Variants in RASA1 observed in about 807,000 individuals in gnomAD.
RASA1 encodes the protein ras GTPase-activating protein 1.
RASA1 carries 25 observed loss-of-function variants against 132.2 expected under a neutral mutation model. The ratio of observed to expected loss-of-function variants is 0.19; its 90% CI spans 0.14 to 0.26. RASA1 has a LOEUF of 0.26. RASA1 is among the 10% of genes least tolerant of loss of function. RASA1 has a pLI of 1.00. For synonymous variants in RASA1, 477 were observed against 449.9 expected (o/e 1.06, Z -0.76); for missense variants, 964 against 1,299.2 (o/e 0.74, Z 3.97).
intron 1 of RASA1, among the ~76,000 whole-genome samples, chr5:87,276,615 G>A (rs1211781862): frequency 6.6e-6 from 1 of 152,148 alleles, no homozygotes; most frequent in African/African-American, 2.4e-5. Context: ...GATACGTTGT[G>A]CAGGTAAATT....
chr5:87,273,637 G>A (rs1291757606), intron 1 of RASA1, among the ~76,000 whole-genome samples: 2 of 151,670 alleles, frequency 1.3e-5, no homozygotes, highest in African/African-American at 2.4e-5. Context: ...TGCCCTTAGA[G>A]TATTTGGAAT....
chr5:87,378,486 A>T lies in RASA1; in HGVS notation c.2435A>T (p.His812Leu), dbSNP rs1238611689. 6.2e-7 allele frequency: 1 copy of T among 1,612,406 alleles called. No individual in the cohort carries two copies. The highest frequency in any genetic ancestry group is 8.5e-7 in the Non-Finnish European group (1 of 1,178,496). ...GCCACTGCTACACAGTTTGTTCATC[A>T]TGCTTTGAAAGACTCTATTTTAAAG... is the stretch of plus-strand genomic sequence containing the variant. ...MKATATQFVH[H>L]ALKDSILKIM... The change falls in exon 18 of 25, where the codon CAT becomes CTT. Residue 812 changes from histidine (H) to leucine (L), a missense_variant. Around this residue, in one of 6 missense-constraint regions of RASA1, gnomAD observed 346 missense variants for 520.1 expected, o/e 0.67. Coordinates refer to ENST00000274376, the MANE Select transcript of RASA1 (RefSeq NM_002890.3).
intron 3 of RASA1, among the ~76,000 whole-genome samples, chr5:87,332,907 G>A (rs554032606): frequency 3.3e-5 from 5 of 152,060 alleles, no homozygotes; most frequent in African/African-American, 7.2e-5. Flanking sequence ...GAATGTATGG[G>A]AACAAATTAC....
chr5:87,374,455 ATATATTTTT>A, intron 14 of RASA1, 135 bp downstream of exon 14: 1 of 264,206 alleles, frequency 3.8e-6, no homozygotes. Flanking sequence ...ATATATATAT[ATATATTTTT>A]TTTTTTTTTT....
chr5:87,333,944 A>AG (rs1757772511), intron 4 of RASA1, among the ~76,000 whole-genome samples: 1 of 152,212 alleles, frequency 6.6e-6, no homozygotes, highest in Non-Finnish European at 1.5e-5. Flanking sequence ...ATTGAAGAAC[A>AG]GGGATGAATT....
At chr5:87,330,549 A>G (rs1255761299) in intron 1 of RASA1, among the ~76,000 whole-genome samples, 1 of 152,212 alleles carries the variant, frequency 6.6e-6, no homozygotes, top group Non-Finnish European at 1.5e-5. Context: ...CCATGCCTGT[A>G]TGATACTTCT....
At chr5:87,282,593 T>C (rs1309019122) in intron 1 of RASA1, among the ~76,000 whole-genome samples, 1 of 152,242 alleles carries the variant, frequency 6.6e-6, no homozygotes, top group Non-Finnish European at 1.5e-5. Flanking sequence ...TTTATGTTTT[T>C]CTCCAAATAC....
At chr5:87,296,487 A>T (rs1443688732) in intron 1 of RASA1, among the ~76,000 whole-genome samples, 1 of 152,196 alleles carries the variant, frequency 6.6e-6, no homozygotes, top group African/African-American at 2.4e-5. Context: ...GTGTCTTGCA[A>T]GGCAGGTCTA....
intron 1 of RASA1, among the ~76,000 whole-genome samples, chr5:87,296,051 G>C (rs537539956): frequency 6.6e-6 from 1 of 151,284 alleles, no homozygotes; most frequent in Non-Finnish European, 1.5e-5. Context: ...TCCTGACCTC[G>C]AGTGATCTGC....
chr5:87,358,268 C>A (rs904570795), intron 9 of RASA1, among the ~76,000 whole-genome samples: 2 of 152,078 alleles, frequency 1.3e-5, no homozygotes, highest in Non-Finnish European at 2.9e-5. Flanking sequence ...AGACAATATA[C>A]CCCATAATAA....
At chr5:87,359,267 T>C (rs1020707398) in intron 9 of RASA1, among the ~76,000 whole-genome samples, 1 of 152,158 alleles carries the variant, frequency 6.6e-6, no homozygotes, top group African/African-American at 2.4e-5. Flanking sequence ...AAGAGCTTGG[T>C]TCAATGGCTG....
chr5:87,382,975 C>T (rs1285963978), intron 20 of RASA1, among the ~76,000 whole-genome samples: 1 of 151,624 alleles, frequency 6.6e-6, no homozygotes, highest in East Asian at 1.9e-4. Flanking sequence ...CACCTGTAGT[C>T]CTAACTACTC....
At chr5:87,360,789 A>G (rs1048255778) in intron 9 of RASA1, among the ~76,000 whole-genome samples, 2 of 152,184 alleles carry the variant, frequency 1.3e-5, no homozygotes, top group African/African-American at 2.4e-5. Flanking sequence ...ATCAAAATCA[A>G]TTCTGCCATC....
intron 1 of RASA1, among the ~76,000 whole-genome samples, chr5:87,291,284 C>G (rs975266600): frequency 6.6e-6 from 1 of 152,162 alleles, no homozygotes; most frequent in East Asian, 1.9e-4. Flanking sequence ...AATCCCAGCA[C>G]TTTGGGAGGC....
chr5:87,389,610 C>G, intron 24 of RASA1, 83 bp downstream of exon 24: 1 of 1,534,936 alleles, frequency 6.5e-7, no homozygotes, highest in South Asian at 1.1e-5. Context: ...TTCTGGTTAA[C>G]ATTTTTATCT....
intron 22 of RASA1, 67 bp downstream of exon 22, chr5:87,385,456 TTG>T: frequency 8.1e-7 from 1 of 1,229,570 alleles, no homozygotes; most frequent in Non-Finnish European, 1.2e-6. Context: ...AAACCATAAA[TTG>T]TGGCTTAAGT....
chr5:87,290,191 A>G (rs548877534), intron 1 of RASA1, among the ~76,000 whole-genome samples: 1 of 152,318 alleles, frequency 6.6e-6, no homozygotes, highest in Non-Finnish European at 1.5e-5. Context: ...TTTCAAGGCA[A>G]TGAGGACAAG....
chr5:87,306,122 T>A (rs564129160), intron 1 of RASA1, among the ~76,000 whole-genome samples: 2 of 152,306 alleles, frequency 1.3e-5, no homozygotes, highest in African/African-American at 4.8e-5. Context: ...AGTGGGTATA[T>A]AACCAAAGGA....
chr5:87,269,198 C>T (rs1436921849), intron 1 of RASA1: 23 of 1,594,000 alleles, frequency 1.4e-5, no homozygotes, highest in Non-Finnish European at 2.0e-5. Flanking sequence ...TATTGCTCCT[C>T]TGGGAAAGTG....
Sources: allele counts gnomAD v4.1 joint callset (sites outside exome capture counted in the v4.1 genomes callset), GRCh38; gene constraint gnomAD v4.1.1; regional missense constraint gnomAD v4.1.1; transcripts MANE v1.5; gene names NCBI Gene and HGNC (gene_info 2026-07-23, HGNC 2026-07-21).